The following TANK variants were observed in gnomAD, a reference collection of about 807,000 sequenced individuals.
The protein encoded by TANK is TRAF family member associated NFKB activator, also known as TRAF family member-associated NF-kappa-B activator.
In TANK, 15 loss-of-function variants were observed where a neutral mutation model predicts 43.6. That is an observed-to-expected ratio of 0.34 (90% CI 0.23 to 0.53). The LOEUF (loss-of-function observed/expected upper bound fraction) is 0.53. Among genes scored for constraint, TANK ranks in the 20% least tolerant of loss-of-function variants. The pLI is 0.94. For missense variants in TANK, 417 were observed against 498.6 expected, an observed-to-expected ratio of 0.84 and a Z score of 1.56; for synonymous variants, 162 against 178.2, an observed-to-expected ratio of 0.91 and a Z score of 0.73.
intron 1 of TANK, chr2:161,160,847 A>C: frequency 1.9e-6 from 1 of 518,984 alleles, no homozygotes; most frequent in Non-Finnish European, 3.8e-6. Flanking sequence ...CTCCAGGAAC[A>C]TTCCCGACTT....
intron 4 of TANK, chr2:161,219,661 G>A (rs1156659506): frequency 8.2e-6 from 3 of 363,788 alleles, no homozygotes; most frequent in Non-Finnish European, 1.6e-5. Context: ...TTTTTTTTTG[G>A]TCCTGTTTTA....
In TANK at chr2:161,207,883, A is replaced by T. The variant is rs895274260; in HGVS notation, c.327+3090A>T. On this transcript the variant is annotated intron_variant, in intron 4 of 7. Transcript: ENST00000392749. ...ATAGAGAAATGGTTAAGGTGATGGT[A>T]TGATTCTTTTTTATTCTATTTTTAA... 6 of 984,902 alleles carry T rather than the reference A, an allele frequency of 6.1e-6. No individual in the cohort carries two copies. The African/African-American group carries it at 1.0e-4, about 17-fold the overall frequency. The allele number at this position is 984,902 out of a possible 1,614,324, so 61.0% of individuals were successfully genotyped here.
intron 1 of TANK, among the ~76,000 whole-genome samples, chr2:161,172,297 C>T (rs987664819): frequency 6.9e-6 from 1 of 144,384 alleles, no homozygotes; most frequent in African/African-American, 2.5e-5. Context: ...TAAGGTGGTA[C>T]AATAATGCGT....
intron 1 of TANK, among the ~76,000 whole-genome samples, chr2:161,172,063 C>T (rs1319386954): frequency 3.9e-5 from 6 of 152,036 alleles, no homozygotes; most frequent in African/African-American, 1.2e-4. Context: ...AGTTGTTTTT[C>T]CTGTTATTTA....
chr2:161,227,084 A>G (rs1287480533), intron 6 of TANK: 4 of 152,208 alleles, frequency 2.6e-5, no homozygotes, highest in Non-Finnish European at 4.4e-5. Context: ...CAGGATGACA[A>G]GTGCTTTCAT....
At chr2:161,219,413 C>A (rs1469773139) in intron 4 of TANK, among the ~76,000 whole-genome samples, 3 of 152,162 alleles carry the variant, frequency 2.0e-5, no homozygotes, top group Non-Finnish European at 2.9e-5. Context: ...TGTTCCCACA[C>A]TGGCAGTGGG....
chr2:161,170,840 A>G (rs1031204860), intron 1 of TANK, among the ~76,000 whole-genome samples: 3 of 152,204 alleles, frequency 2.0e-5, no homozygotes, highest in African/African-American at 4.8e-5. Context: ...TAGACTGGAC[A>G]TGTATTGTAT....
At chr2:161,159,897 C>A (rs1333894786), upstream of TANK, among the ~76,000 whole-genome samples, 1 of 152,144 alleles carries the variant, frequency 6.6e-6, no homozygotes, top group Non-Finnish European at 1.5e-5. Flanking sequence ...TGGGGAGAAA[C>A]CAAATGGGTA....
Position 161,231,029 on chromosome 2 carries a change from G to A in TANK, c.579G>A (p.Leu193=), listed in dbSNP as rs1266693287. 4 of 1,614,032 alleles carry A rather than the reference G, an allele frequency of 2.5e-6. No homozygotes were observed. Among genetic ancestry groups the A allele is most frequent in the Admixed American group, 1.7e-5 (1 of 59,994 alleles). The stretch of plus-strand genomic sequence containing the variant: ...ATAAAACAGATAAACAAGAAGCGCT[G>A]TTTAAGCCTCAGGCTAAAGATGATA... The part of the protein sequence containing the change: ...CTDKTDKQEA[L]FKPQAKDDIN... Residue 193 remains leucine, a synonymous_variant, in exon 7 of 8, where the codon CTG becomes CTA. Transcript: ENST00000392749.
At chr2:161,193,198 C>G (rs1196312434) in intron 2 of TANK, among the ~76,000 whole-genome samples, 3 of 152,192 alleles carry the variant, frequency 2.0e-5, no homozygotes, top group African/African-American at 7.2e-5. Flanking sequence ...CATGTGTAAG[C>G]ATTCATACAT....
chr2:161,171,900 A>T (rs1558972572), intron 1 of TANK, among the ~76,000 whole-genome samples: 1 of 152,000 alleles, frequency 6.6e-6, no homozygotes, highest in Middle Eastern at 3.4e-3. Flanking sequence ...TACTGAAAAT[A>T]TTTTTTTTCA....
chr2:161,176,735 C>T (rs909827895), intron 1 of TANK, among the ~76,000 whole-genome samples: 2 of 151,958 alleles, frequency 1.3e-5, no homozygotes, highest in Admixed American at 1.3e-4. Context: ...ATTTAGTGGC[C>T]CTTAACTAAG....
At chr2:161,175,698 C>T (rs1283859439) in intron 1 of TANK, among the ~76,000 whole-genome samples, 1 of 152,136 alleles carries the variant, frequency 6.6e-6, no homozygotes, top group African/African-American at 2.4e-5. Flanking sequence ...AAAGAGGAAG[C>T]AGGGATTTTC....
At chr2:161,187,521 AAC>A (rs538628766) in intron 2 of TANK, among the ~76,000 whole-genome samples, 70 of 152,352 alleles carry the variant, frequency 4.6e-4, no homozygotes, top group Non-Finnish European at 9.7e-4. Flanking sequence ...AGCAAATATT[AAC>A]AGTTATATAT....
At chr2:161,168,717 C>A (rs1558970456) in intron 1 of TANK, among the ~76,000 whole-genome samples, 1 of 152,146 alleles carries the variant, frequency 6.6e-6, no homozygotes, top group Non-Finnish European at 1.5e-5. Flanking sequence ...CCTGTAATCC[C>A]AGCTACTGGG....
rs981670155 is a variant in TANK at position 161,207,608 on chromosome 2, A to G, written c.327+2815A>G. On this transcript the variant is annotated intron_variant, in intron 4 of 7. Transcript: ENST00000392749. ...TGAGAGTTGGCTGTGTGCTTAGTGT[A>G]AAAAATTAGGCCTATGTTAGAAAAA... 8.1e-6 allele frequency: 8 copies of G among 985,258 alleles called. No individual in the cohort carries two copies. The African/African-American group carries it at 1.4e-4, about 17-fold the overall frequency. The allele number at this position is 985,258 out of a possible 1,614,324, so 61.0% of individuals were successfully genotyped here.
chr2:161,190,551 C>A (rs988825690), intron 2 of TANK, among the ~76,000 whole-genome samples: 1 of 152,106 alleles, frequency 6.6e-6, no homozygotes, highest in Non-Finnish European at 1.5e-5. Context: ...GTGGAAACAA[C>A]CCAAGTGTTC....
intron 1 of TANK, chr2:161,161,107 A>T (rs907085584): frequency 1.0e-4 from 102 of 985,444 alleles, no homozygotes; most frequent in Middle Eastern, 3.2e-4. Context: ...GGCGTTAGGT[A>T]GAGTCCTCAC....
At chr2:161,155,606 A>T (rs1684202572), upstream of TANK, among the ~76,000 whole-genome samples, 1 of 152,182 alleles carries the variant, frequency 6.6e-6, no homozygotes, top group African/African-American at 2.4e-5. Context: ...GCAACTGTAG[A>T]TGTTATTCTA....
Sources: gnomAD v4.1 joint callset for allele counts (sites outside exome capture counted in the v4.1 genomes callset) on GRCh38, gnomAD v4.1.1 for gene constraint, MANE v1.5 for transcripts, NCBI Gene and HGNC (gene_info 2026-07-23, HGNC 2026-07-21) for gene names.